Variants in SCNN1B observed in about 807,000 individuals in gnomAD.
The protein encoded by SCNN1B is epithelial sodium channel subunit beta.
SCNN1B carries 46 observed loss-of-function variants against 65.3 expected under a neutral mutation model. The observed-to-expected ratio is 0.70, with a 90% CI of 0.56 to 0.90. The LOEUF (loss-of-function observed/expected upper bound fraction) is 0.90, where lower values mean the gene tolerates loss of function less well. SCNN1B is among the 40% of genes least tolerant of loss of function. The pLI is 0.00. For synonymous variants in SCNN1B, 349 were observed against 330.6 expected (o/e 1.06, Z -0.60); for missense variants, 751 against 830.5 (o/e 0.90, Z 1.18).
intron 1 of SCNN1B, among the ~76,000 whole-genome samples, chr16:23,321,270 A>G (rs899409205): frequency 2.0e-5 from 3 of 151,916 alleles, no homozygotes; most frequent in African/African-American, 7.3e-5. Flanking sequence ...TCGAACTCTT[A>G]CCCTCAAGTG....
At position 23,380,511 on chromosome 16, in the gene SCNN1B, A is replaced by G; in HGVS notation, c.1633A>G (p.Ile545Val). 1.2e-6 allele frequency: 2 copies of G among 1,614,216 alleles called. No individual in the cohort carries two copies. The highest frequency in any genetic ancestry group is 1.7e-6 in the Non-Finnish European group (2 of 1,180,034). ...LCLIEFGEII[I>V]DFVWITIIKL... is the part of the protein sequence containing the mutation. Reference sequence around the variant, plus strand: ...CCTCATCGAGTTTGGGGAGATCATCATCGACTTTGTGTGGATCACCATCAT... The same window carrying G: ...CCTCATCGAGTTTGGGGAGATCATCGTCGACTTTGTGTGGATCACCATCAT... Residue 545 changes from isoleucine (I) to valine (V), a missense_variant, in exon 13 of 13, where the codon ATC (isoleucine) becomes GTC (valine). By Grantham distance (29) the Ile-to-Val change is conservative. Coordinates refer to ENST00000343070, the MANE Select transcript of SCNN1B (RefSeq NM_000336.3). This position sits in a 1 kb window ranked among gnomAD's most constrained non-coding sequence, Gnocchi z 5.4.
intron 5 of SCNN1B, 102 bp downstream of exon 5, chr16:23,368,061 G>T: frequency 1.1e-6 from 1 of 951,112 alleles, no homozygotes; most frequent in African/African-American, 1.6e-5. Flanking sequence ...GACTGAGGGG[G>T]GACCAAGGCA....
intron 1 of SCNN1B, among the ~76,000 whole-genome samples, chr16:23,320,746 T>C (rs1961570299): frequency 6.6e-6 from 1 of 152,220 alleles, no homozygotes; most frequent in Non-Finnish European, 1.5e-5. Flanking sequence ...GCCCCAGGTA[T>C]GAAGTCGTGG....
intron 4 of SCNN1B, among the ~76,000 whole-genome samples, chr16:23,359,787 C>T (rs1203883721): frequency 6.6e-6 from 1 of 152,238 alleles, no homozygotes; most frequent in Admixed American, 6.5e-5. Flanking sequence ...TCAGTTTCCT[C>T]ACCTGGAAAG....
rs1405402048 is a variant in SCNN1B at position 23,380,939 on chromosome 16, A to G, written c.*138A>G. On this transcript the variant is annotated 3_prime_UTR_variant, in exon 13 of 13. Transcript: ENST00000343070. The surrounding 1 kb of genome is among the most constrained non-coding windows in gnomAD (Gnocchi z 5.4). ...CCAGAGCTTGTGTCCTTCAACAGAG[A>G]GGCCAGCGGCAACTGGTCCGTTACT... 1.1e-6 allele frequency: 1 copy of G among 929,380 alleles called. No individual in the cohort carries two copies. Among genetic ancestry groups the G allele is most frequent in the African/African-American group, 1.6e-5 (1 of 61,910 alleles). The allele number at this position is 929,380 out of a possible 1,614,324, so 57.6% of individuals were successfully genotyped here.
Position 23,355,471 on chromosome 16 carries a change from C to G in SCNN1B, c.758C>G (p.Ala253Gly), listed in dbSNP as rs773225990. Residue 253 changes from alanine (A) to glycine (G), a missense_variant, in exon 4 of 13, where the codon GCT becomes GGT. Physicochemically the swap from Ala to Gly is moderately conservative, Grantham distance 60. Coordinates refer to ENST00000343070, the MANE Select transcript of SCNN1B (RefSeq NM_000336.3). ...EQMILACLFG[A>G]EPCNYRNFTS... The stretch of plus-strand genomic sequence containing the variant: ...ATGATCCTGGCCTGCCTATTCGGAG[C>G]TGAGCCCTGCAACTACCGGTGAGAG... 4 of 1,614,178 alleles carry G rather than the reference C, an allele frequency of 2.5e-6. No homozygotes were observed. Among genetic ancestry groups the G allele is most frequent in the Non-Finnish European group, 3.4e-6 (4 of 1,180,034 alleles).
At chr16:23,304,125 C>T (rs1961143547) in intron 1 of SCNN1B, 1 of 1,510,198 alleles carries the variant, frequency 6.6e-7, no homozygotes, top group African/African-American at 1.4e-5. Context: ...TCAGCATCTT[C>T]TATAAATTGT....
chr16:23,329,863 A>G (rs1246150019), intron 1 of SCNN1B, among the ~76,000 whole-genome samples: 2 of 152,118 alleles, frequency 1.3e-5, no homozygotes. Flanking sequence ...TGTCTCTACA[A>G]AATATTTTAA....
chr16:23,371,339 C>T lies in SCNN1B; in HGVS notation c.921C>T (p.Val307=). The change falls in exon 6 of 13, where the codon GTC becomes GTT. Residue 307 remains valine, a synonymous_variant. Coordinates refer to ENST00000343070, the MANE Select transcript of SCNN1B (RefSeq NM_000336.3). ...TGGACATAGGCCAGGAAGACTACGT[C>T]CCCTTCCTTGCGTCCACGGCCGGGG... is the stretch of plus-strand genomic sequence containing the variant. ...LILDIGQEDY[V]PFLASTAGVR... 6.2e-7 allele frequency: 1 copy of T among 1,614,166 alleles called. No individual in the cohort carries two copies. The highest frequency in any genetic ancestry group is 8.5e-7 in the Non-Finnish European group (1 of 1,180,014).
chr16:23,352,874 C>T lies in SCNN1B; in HGVS notation c.385C>T (p.Pro129Ser). ...AGCTGTCCTGGAGAGAATCCTGGCT[C>T]CTGAGCTAAGCCATGCCAATGCCAC... is the stretch of plus-strand genomic sequence containing the variant. ...MEAVLERILA[P>S]ELSHANATRN... The change falls in exon 3 of 13, where the codon CCT (proline) becomes TCT (serine). Residue 129 changes from proline (P) to serine (S), a missense_variant. Transcript: ENST00000343070. 1.9e-6 allele frequency: 3 copies of T among 1,614,170 alleles called. No individual in the cohort carries two copies. The highest frequency in any genetic ancestry group is 2.5e-6 in the Non-Finnish European group (3 of 1,180,036).
intron 7 of SCNN1B, among the ~76,000 whole-genome samples, chr16:23,372,949 A>G (rs1325329349): frequency 3.3e-5 from 5 of 151,612 alleles, no homozygotes; most frequent in African/African-American, 1.2e-4. Context: ...AAAATACAAA[A>G]AAAAAAAATT....
upstream of SCNN1B, among the ~76,000 whole-genome samples, chr16:23,297,851 C>A (rs1961019336): frequency 6.6e-6 from 1 of 152,066 alleles, no homozygotes; most frequent in African/African-American, 2.4e-5. Context: ...AGTGGTGACC[C>A]CAGAGCTAAA....
intron 3 of SCNN1B, among the ~76,000 whole-genome samples, chr16:23,354,832 G>C (rs1046794123): frequency 1.3e-5 from 2 of 152,194 alleles, no homozygotes; most frequent in Admixed American, 1.3e-4. Flanking sequence ...GTCAGAGAGA[G>C]GGCATCTTCT....
intron 1 of SCNN1B, among the ~76,000 whole-genome samples, chr16:23,332,373 A>G (rs1303993910): frequency 6.6e-6 from 1 of 151,528 alleles, no homozygotes; most frequent in African/African-American, 2.4e-5. Flanking sequence ...TTTTTTGTAT[A>G]TTTAGTAGAG....
chr16:23,291,475 A>AGTGTGTGTGTGTGTGT (rs71858801), intron 2 of SCNN1B, among the ~76,000 whole-genome samples: 47 of 145,472 alleles, frequency 3.2e-4, no homozygotes, highest in Non-Finnish European at 4.7e-4. Flanking sequence ...TGTGTGTGTA[A>AGTGTGTGTGTGTGTGT]GTGTGTGTGT....
intron 7 of SCNN1B, among the ~76,000 whole-genome samples, chr16:23,375,142 C>T (rs1596886398): frequency 1.3e-5 from 2 of 152,150 alleles, no homozygotes; most frequent in Admixed American, 6.5e-5. Context: ...CACGTCCAGC[C>T]TCCTGGAGGC....
At chr16:23,355,118 T>C (rs1401359444) in intron 3 of SCNN1B, among the ~76,000 whole-genome samples, 181 bp from the exon 4 acceptor site, 1 of 152,122 alleles carries the variant, frequency 6.6e-6, no homozygotes, top group Non-Finnish European at 1.5e-5. Context: ...CACAGCTGTG[T>C]ATGAGGCAGT....
chr16:23,335,427 T>G (rs1217773363), intron 1 of SCNN1B, among the ~76,000 whole-genome samples: 1 of 149,360 alleles, frequency 6.7e-6, no homozygotes, highest in Non-Finnish European at 1.5e-5. Context: ...GCTGGGATTA[T>G]AGGAGTGAGC....
chr16:23,278,925 G>A (rs1310178456), intron 1 of SCNN1B, among the ~76,000 whole-genome samples: 1 of 151,632 alleles, frequency 6.6e-6, no homozygotes, highest in Non-Finnish European at 1.5e-5. Flanking sequence ...GGACGACAGA[G>A]TGAGAACTTG....
Sources: gnomAD v4.1 joint callset for allele counts (sites outside exome capture counted in the v4.1 genomes callset) on GRCh38, gnomAD v4.1.1 for gene constraint, Gnocchi (gnomAD v3.1) non-coding constraint, MANE v1.5 for transcripts, NCBI Gene and HGNC (gene_info 2026-07-23, HGNC 2026-07-21) for gene names.